CMIP: variants seen among roughly 807,000 people sequenced by gnomAD.
The protein encoded by CMIP is C-Maf-inducing protein.
Under a neutral mutation model 97.3 loss-of-function variants are expected in CMIP, and 13 were observed. The ratio of observed to expected loss-of-function variants is 0.13; its 90% CI spans 0.09 to 0.21. The LOEUF is 0.21. Among genes scored for constraint, CMIP ranks in the 10% least tolerant of loss-of-function variants. CMIP has a pLI of 1.00. For synonymous variants in CMIP, 538 were observed against 436.3 expected (o/e 1.23, Z -2.91); for missense variants, 847 against 1,024.9 (o/e 0.83, Z 2.37).
intron 1 of CMIP, among the ~76,000 whole-genome samples, chr16:81,543,411 G>A (rs12925668): frequency 0.36 from 54,022 of 152,036 alleles, 11,315 homozygotes; most frequent in Non-Finnish European, 0.47. Flanking sequence ...AAGGCGTTGC[G>A]TTGGCTAGTG....
intron 1 of CMIP, among the ~76,000 whole-genome samples, chr16:81,555,653 G>T (rs1022423308): frequency 8.5e-5 from 13 of 152,198 alleles, no homozygotes; most frequent in African/African-American, 3.1e-4. Flanking sequence ...ATGTGACCAA[G>T]TCTGTGAAGT....
intron 1 of CMIP, among the ~76,000 whole-genome samples, chr16:81,591,754 G>A (rs1015186170): frequency 1.3e-5 from 2 of 151,684 alleles, no homozygotes; most frequent in Non-Finnish European, 2.9e-5. Context: ...GGTGTGCATT[G>A]TCAGAATGAA....
Position 81,483,307 on chromosome 16 carries a change from T to C in CMIP, c.300+37766T>C, listed in dbSNP as rs371643638. 2.4e-4 allele frequency among the ~76,000 whole-genome samples: 33 copies of C among 139,536 alleles called. 1 individual carries two copies. In the East Asian group the frequency reaches 5.5e-3, roughly 23 times the overall value. 91.5% of individuals were successfully genotyped at this position (139,536 alleles called of 152,430 possible). The stretch of plus-strand genomic sequence containing the variant: ...CCATCCACAGCATGTGCAAAGGCCC[T>C]GGGGCAGCAATTTACCTGGTTTTTT... On this transcript the variant is annotated intron_variant, in intron 1 of 20. Coordinates refer to ENST00000537098, the MANE Select transcript of CMIP (RefSeq NM_198390.3).
chr16:81,625,963 C>T (rs1304945198), intron 3 of CMIP, among the ~76,000 whole-genome samples: 1 of 152,258 alleles, frequency 6.6e-6, no homozygotes, highest in Non-Finnish European at 1.5e-5. Flanking sequence ...AGAAGCTGGC[C>T]TGTATTCCTG....
intron 1 of CMIP, among the ~76,000 whole-genome samples, chr16:81,587,296 C>T (rs777927271): frequency 6.6e-6 from 1 of 152,214 alleles, no homozygotes; most frequent in Non-Finnish European, 1.5e-5. Flanking sequence ...AGCGATTAAA[C>T]ATTTGAAACA....
At chr16:81,494,776 T>C (rs557400544) in intron 1 of CMIP, among the ~76,000 whole-genome samples, 2 of 152,358 alleles carry the variant, frequency 1.3e-5, no homozygotes, top group South Asian at 4.1e-4. Flanking sequence ...ACTGATACCC[T>C]TGTCCCCAAA....
chr16:81,629,103 T>G lies in CMIP; in HGVS notation c.477+8177T>G, dbSNP rs546737548. On this transcript the variant is annotated intron_variant, in intron 3 of 20. Coordinates refer to ENST00000537098, the MANE Select transcript of CMIP (RefSeq NM_198390.3). The stretch of plus-strand genomic sequence containing the variant: ...GTGAGCCGAGATGGTGCCACTATAC[T>G]CCAGCCTGGGTGACAGAGTGAAACT... 3.4e-5 allele frequency among the ~76,000 whole-genome samples: 4 copies of G among 117,632 alleles called. No homozygotes were observed. In the South Asian group the frequency reaches 1.2e-3, roughly 35 times the overall value. The allele number at this position is 117,632 out of a possible 152,430, so 77.2% of individuals were successfully genotyped here.
At chr16:81,708,494 A>T (rs1256836691) in intron 20 of CMIP, among the ~76,000 whole-genome samples, 1 of 152,242 alleles carries the variant, frequency 6.6e-6, no homozygotes, top group Non-Finnish European at 1.5e-5. Context: ...GCCCCTTGGG[A>T]AGAAAAATCA....
intron 7 of CMIP, among the ~76,000 whole-genome samples, chr16:81,667,967 G>T (rs1286257077): frequency 6.6e-6 from 1 of 151,936 alleles, no homozygotes; most frequent in Non-Finnish European, 1.5e-5. Context: ...CTCTCACAAA[G>T]GACCCCTTTG....
intron 9 of CMIP, among the ~76,000 whole-genome samples, chr16:81,676,159 G>C (rs991194773): frequency 6.6e-6 from 1 of 152,202 alleles, no homozygotes; most frequent in Non-Finnish European, 1.5e-5. Flanking sequence ...GTGAGATGGT[G>C]CCTGCTGCCT....
At chr16:81,557,727 C>A (rs1168496710) in intron 1 of CMIP, among the ~76,000 whole-genome samples, 2 of 152,174 alleles carry the variant, frequency 1.3e-5, no homozygotes, top group African/African-American at 4.8e-5. Context: ...GATGTTGCTA[C>A]TCCACTCCAG....
intron 6 of CMIP, among the ~76,000 whole-genome samples, chr16:81,663,817 C>T (rs756352877): frequency 1.3e-4 from 20 of 152,190 alleles, no homozygotes; most frequent in Non-Finnish European, 2.2e-4. Context: ...GCACTTTACC[C>T]CCTGCCCAGG....
intron 1 of CMIP, among the ~76,000 whole-genome samples, chr16:81,551,333 C>T (rs929460683): frequency 6.6e-6 from 1 of 152,254 alleles, no homozygotes; most frequent in Admixed American, 6.5e-5. Flanking sequence ...TTTCCTCTGC[C>T]TCCCAACTGT....
At chr16:81,541,748 T>C (rs1428421894) in intron 1 of CMIP, among the ~76,000 whole-genome samples, 1 of 152,106 alleles carries the variant, frequency 6.6e-6, no homozygotes, top group Non-Finnish European at 1.5e-5. Flanking sequence ...GCTGTAATGA[T>C]CAGACAGCCT....
intron 15 of CMIP, 77 bp from the exon 16 acceptor site, chr16:81,701,583 G>A: frequency 6.3e-7 from 1 of 1,597,622 alleles, no homozygotes; most frequent in Non-Finnish European, 8.6e-7. Context: ...TTCAAAACAA[G>A]GCCCTTGGGG....
At chr16:81,493,861 C>A (rs920508328) in intron 1 of CMIP, among the ~76,000 whole-genome samples, 1 of 152,218 alleles carries the variant, frequency 6.6e-6, no homozygotes, top group Admixed American at 6.5e-5. Flanking sequence ...GCTTCAGGGC[C>A]CAGGCCTGCC....
At chr16:81,683,356 G>A (rs907303800) in intron 10 of CMIP, among the ~76,000 whole-genome samples, 3 of 152,186 alleles carry the variant, frequency 2.0e-5, no homozygotes, top group African/African-American at 7.2e-5. Context: ...GCTGGAAGAG[G>A]CCCCTCCCTC....
chr16:81,674,396 G>T (rs895879385), intron 9 of CMIP, among the ~76,000 whole-genome samples: 1 of 152,150 alleles, frequency 6.6e-6, no homozygotes, highest in Non-Finnish European at 1.5e-5. Flanking sequence ...CTCCCAAAGT[G>T]CTGGGATTAC....
In CMIP at chr16:81,522,795, A is replaced by G. The variant is rs1161054178; in HGVS notation, c.300+77254A>G. Among the ~76,000 whole-genome samples the G allele has an allele frequency of 3.9e-5, 6 of 152,032 alleles. 1 individual carries two copies. The highest frequency in any genetic ancestry group is 3.2e-3 in the Middle Eastern group (1 of 314). On this transcript the variant is annotated intron_variant, in intron 1 of 20. Transcript: ENST00000537098. The stretch of plus-strand genomic sequence containing the variant: ...ACTGGAAAAGGTATAATTACTTGAC[A>G]TTCACCTCTAATTTACTACCCACCT...
Sources: allele counts gnomAD v4.1 joint callset (sites outside exome capture counted in the v4.1 genomes callset), GRCh38; gene constraint gnomAD v4.1.1; transcripts MANE v1.5; gene names NCBI Gene and HGNC (gene_info 2026-07-23, HGNC 2026-07-21).